The following COG5 variants were observed in gnomAD, a reference collection of about 807,000 sequenced individuals.
The protein encoded by COG5 is component of oligomeric golgi complex 5.
Under a neutral mutation model 110.4 loss-of-function variants are expected in COG5, and 86 were observed. The observed-to-expected ratio is 0.78, with a 90% CI of 0.65 to 0.93. The LOEUF is 0.93. COG5 is among the 40% of genes least tolerant of loss of function. The pLI is 0.00. For missense variants in COG5, 1,077 were observed against 987.0 expected (o/e 1.09, Z -1.22); for synonymous variants, 360 against 334.6 (o/e 1.08, Z -0.83).
At chr7:107,251,782 G>A (rs7794437) in intron 16 of COG5, among the ~76,000 whole-genome samples, 94,841 of 151,798 alleles carry the variant, frequency 0.62, 31,991 homozygotes, top group African/African-American at 0.9. Context: ...AAAGTCTCAA[G>A]TAAATCTTAA....
intron 6 of COG5, among the ~76,000 whole-genome samples, chr7:107,481,567 T>C (rs1355986340): frequency 6.6e-6 from 1 of 152,070 alleles, no homozygotes; most frequent in Non-Finnish European, 1.5e-5. Flanking sequence ...AGTACACTGG[T>C]TGGGTATACT....
At chr7:107,526,153 C>T (rs1185571037) in intron 6 of COG5, among the ~76,000 whole-genome samples, 1 of 152,158 alleles carries the variant, frequency 6.6e-6, no homozygotes, top group African/African-American at 2.4e-5. Context: ...TTTGGCATAA[C>T]TGCTTTCAAA....
intron 19 of COG5, among the ~76,000 whole-genome samples, chr7:107,224,360 T>C (rs187765692): frequency 7.2e-5 from 11 of 152,318 alleles, no homozygotes; most frequent in African/African-American, 2.2e-4. Context: ...TAAAAACAAT[T>C]GACAGGAACA....
At position 107,474,652 on chromosome 7, in the gene COG5, G is replaced by A. The variant is rs756151210; in HGVS notation, c.538+52585C>T. ...CTGGGAAAACAAGACACTTTTATGT[G>A]TCAGTACAAATGAATACTACACTGA... On this transcript the variant is annotated intron_variant, in intron 6 of 21. Coordinates refer to ENST00000297135, the MANE Select transcript of COG5 (RefSeq NM_006348.5). The surrounding 1 kb of genome is among the most constrained non-coding windows in gnomAD (Gnocchi z 5.7). 2 of 1,608,658 alleles carry A rather than the reference G, an allele frequency of 1.2e-6. No individual in the cohort carries two copies. Among genetic ancestry groups the A allele is most frequent in the Non-Finnish European group, 1.7e-6 (2 of 1,175,650 alleles).
chr7:107,341,583 A>C (rs1232219741), intron 10 of COG5, among the ~76,000 whole-genome samples: 1 of 152,172 alleles, frequency 6.6e-6, no homozygotes, highest in Non-Finnish European at 1.5e-5. Flanking sequence ...CATCCTAAGC[A>C]AAAAGAACAA....
intron 11 of COG5, among the ~76,000 whole-genome samples, chr7:107,321,440 G>C (rs949588720): frequency 6.6e-6 from 1 of 152,014 alleles, no homozygotes; most frequent in Admixed American, 6.6e-5. Context: ...TCAATTATTG[G>C]AGGAACAAAA....
intron 6 of COG5, among the ~76,000 whole-genome samples, chr7:107,459,385 C>G (rs1283676997): frequency 6.6e-6 from 1 of 151,890 alleles, no homozygotes; most frequent in Admixed American, 6.6e-5. Flanking sequence ...CCGATAAAAA[C>G]ACATGAAACA....
intron 14 of COG5, among the ~76,000 whole-genome samples, chr7:107,277,285 T>C (rs947522014): frequency 3.9e-5 from 6 of 152,240 alleles, no homozygotes; most frequent in Admixed American, 3.9e-4. Context: ...GTATTAAAGG[T>C]TGGTGCAGAG....
At chr7:107,502,586 G>A (rs1798706700) in intron 6 of COG5, among the ~76,000 whole-genome samples, 1 of 152,026 alleles carries the variant, frequency 6.6e-6, no homozygotes, top group Admixed American at 6.6e-5. Flanking sequence ...AGTTCTTTAA[G>A]GAATCTCCAT....
chr7:107,345,561 G>A (rs1428850448), intron 10 of COG5, among the ~76,000 whole-genome samples: 2 of 152,026 alleles, frequency 1.3e-5, no homozygotes, highest in Non-Finnish European at 2.9e-5. Flanking sequence ...GAAAGTAAGG[G>A]GTAGGGAAAT....
At chr7:107,353,738 C>G (rs1026852959) in intron 10 of COG5, among the ~76,000 whole-genome samples, 2 of 152,034 alleles carry the variant, frequency 1.3e-5, no homozygotes, top group Non-Finnish European at 2.9e-5. Context: ...TATAATTGGT[C>G]AAGTTTTATT....
At chr7:107,504,122 C>G (rs566549890) in intron 6 of COG5, among the ~76,000 whole-genome samples, 4 of 152,138 alleles carry the variant, frequency 2.6e-5, no homozygotes, top group African/African-American at 9.6e-5. Context: ...AGTATGATGT[C>G]GGCTGTGGGT....
chr7:107,492,911 G>A (rs1362024250), intron 6 of COG5, among the ~76,000 whole-genome samples: 1 of 152,074 alleles, frequency 6.6e-6, no homozygotes, highest in African/African-American at 2.4e-5. Flanking sequence ...GCACTGATTT[G>A]AAGTCAGAAA....
intron 7 of COG5, among the ~76,000 whole-genome samples, chr7:107,406,159 C>T (rs1049885300): frequency 2.6e-4 from 39 of 152,094 alleles, no homozygotes; most frequent in African/African-American, 7.2e-4. Flanking sequence ...TAATATGATA[C>T]ATATGGCCTT....
At chr7:107,359,807 C>T (rs1444806814) in intron 10 of COG5, among the ~76,000 whole-genome samples, 2 of 152,066 alleles carry the variant, frequency 1.3e-5, no homozygotes, top group African/African-American at 4.8e-5. Flanking sequence ...CTCTGGGTCT[C>T]CTCTCTGCTG....
At chr7:107,451,774 T>G (rs1795356939) in intron 6 of COG5, among the ~76,000 whole-genome samples, 1 of 152,192 alleles carries the variant, frequency 6.6e-6, no homozygotes, top group African/African-American at 2.4e-5. Flanking sequence ...TTCTCTAGCT[T>G]ATTTTACTGT....
chr7:107,264,854 G>C (rs1803672384), intron 14 of COG5, among the ~76,000 whole-genome samples: 1 of 152,082 alleles, frequency 6.6e-6, no homozygotes, highest in African/African-American at 2.4e-5. Flanking sequence ...CAATTCACAT[G>C]ATGGAACAAA....
At chr7:107,339,889 C>T (rs908960154) in intron 10 of COG5, among the ~76,000 whole-genome samples, 1 of 151,806 alleles carries the variant, frequency 6.6e-6, no homozygotes, top group African/African-American at 2.4e-5. Flanking sequence ...GTTTTAAGTG[C>T]CAAATACCTA....
chr7:107,420,842 C>T (rs891891588), intron 6 of COG5, among the ~76,000 whole-genome samples: 2 of 152,222 alleles, frequency 1.3e-5, no homozygotes, highest in Non-Finnish European at 2.9e-5. Context: ...CTTAAGTAAA[C>T]TCCTTTAGCT....
Sources: gnomAD v4.1 joint callset for allele counts (sites outside exome capture counted in the v4.1 genomes callset) on GRCh38, gnomAD v4.1.1 for gene constraint, Gnocchi (gnomAD v3.1) non-coding constraint, MANE v1.5 for transcripts, NCBI Gene and HGNC (gene_info 2026-07-23, HGNC 2026-07-21) for gene names.